Variants in EPHB4 observed in about 807,000 individuals in gnomAD.
EPHB4 encodes the protein ephrin type-B receptor 4.
Under a neutral mutation model 110.6 loss-of-function variants are expected in EPHB4, and 50 were observed. The ratio of observed to expected loss-of-function variants is 0.45; its 90% CI spans 0.36 to 0.57. The LOEUF is 0.57. EPHB4 is among the 20% of genes least tolerant of loss of function. The pLI, the probability that EPHB4 is intolerant of heterozygous loss-of-function variation, is 0.00. For synonymous variants in EPHB4, 592 were observed against 578.4 expected, an observed-to-expected ratio of 1.02 and a Z score of -0.34; for missense variants, 1,128 against 1,382.1, an observed-to-expected ratio of 0.82 and a Z score of 2.91.
intron 1 of EPHB4, 176 bp from the exon 2 acceptor site, chr7:100,824,449 C>A (rs1023055762): frequency 2.9e-5 from 19 of 647,562 alleles, no homozygotes; most frequent in African/African-American, 2.7e-4. Flanking sequence ...GCCTCTTCTG[C>A]TAAGTGCCAA....
Position 100,803,321 on chromosome 7 carries a change from GTC to G in EPHB4, c.*138_*139del, listed in dbSNP as rs113576131. ...TATTATGGCAGAACCCCCAAATCCT[GTC>G]TCTCCAAATTGCCAACTCCTCACCC... On this transcript the variant is annotated 3_prime_UTR_variant, in exon 17 of 17. Coordinates refer to ENST00000358173, the MANE Select transcript of EPHB4 (RefSeq NM_004444.5). 4.1e-3 allele frequency: 4,400 copies of G among 1,073,722 alleles called. 135 individuals carry two copies. The African/African-American group carries it at 0.063, about 15-fold the overall frequency. The allele number at this position is 1,073,722 out of a possible 1,614,324, so 66.5% of individuals were successfully genotyped here. A position where few individuals can be genotyped will look rare whatever the true frequency, so the allele number is the denominator to read the frequency against.
At position 100,813,925 on chromosome 7, in the gene EPHB4, C is replaced by A; in HGVS notation, c.1685G>T (p.Cys562Phe). 6.2e-7 allele frequency: 1 copy of A among 1,614,074 alleles called. No individual in the cohort carries two copies. The highest frequency in any genetic ancestry group is 8.5e-7 in the Non-Finnish European group (1 of 1,179,962). The stretch of plus-strand genomic sequence containing the variant: ...TGGGTGTCAGAGCCCTTACCTGAGG[C>A]AGAGAACTGCGACCACAATGACCAC... ...VLVVIVVAVL[C>F]LRKQSNGREA... Residue 562 changes from cysteine (C) to phenylalanine (F), a missense_variant, in exon 9 of 17, where the codon TGC becomes TTC. Cys to Phe is a radical substitution (Grantham distance 205). Transcript: ENST00000358173.
rs1392196634 is a variant in EPHB4 at position 100,827,236 on chromosome 7, G to A, written c.-206C>T. 2.4e-5 allele frequency: 5 copies of A among 211,106 alleles called. No individual in the cohort carries two copies. Among genetic ancestry groups the A allele is most frequent in the Non-Finnish European group, 3.5e-5 (4 of 114,074 alleles). The allele number at this position is 211,106 out of a possible 1,614,324, so 13.1% of individuals were successfully genotyped here. The stretch of plus-strand genomic sequence containing the variant: ...TCTGTGCCGCGCGCGCGGGCGGCGG[G>A]CCCGGAGCGTGCTGGCAGTGGCCGC... On this transcript the variant is annotated 5_prime_UTR_variant, in exon 1 of 17. Coordinates refer to ENST00000358173, the MANE Select transcript of EPHB4 (RefSeq NM_004444.5).
At chr7:100,806,331 G>A (rs1812816463) in intron 14 of EPHB4, 89 bp downstream of exon 14, 3 of 1,475,306 alleles carry the variant, frequency 2.0e-6, no homozygotes, top group Admixed American at 4.2e-5. Context: ...GAACCCAGCA[G>A]TGATGACTCT....
At position 100,822,150 on chromosome 7, in the gene EPHB4, G is replaced by C; in HGVS notation, c.808+121C>G. ...CCACTGCACTCCAGCCTGGGTGACA[G>C]AGCAAGCCTCCATTTCAACATCTAA... is the stretch of plus-strand genomic sequence containing the variant. On this transcript the variant is annotated intron_variant, in intron 4 of 16. Transcript: ENST00000358173. The surrounding 1 kb of genome is among the most constrained non-coding windows in gnomAD (Gnocchi z 4.7). The C allele has an allele frequency of 7.3e-7, 1 of 1,365,542 alleles. No individual in the cohort carries two copies. Among genetic ancestry groups the C allele is most frequent in the South Asian group, 1.5e-5 (1 of 67,188 alleles). 84.6% of individuals were successfully genotyped at this position (1,365,542 alleles called of 1,614,324 possible).
At chr7:100,824,740 C>T (rs1813328517) in intron 1 of EPHB4, 1 of 167,564 alleles carries the variant, frequency 6.0e-6, no homozygotes, top group African/African-American at 2.4e-5. Flanking sequence ...TCTCTGCTTT[C>T]AGACCAAACA....
At position 100,822,624 on chromosome 7, in the gene EPHB4, C is replaced by A. The variant is rs1195078965; in HGVS notation, c.455G>T (p.Gly152Val). The change falls in exon 4 of 17, where the codon GGG becomes GTG. Residue 152 changes from glycine to valine, a missense_variant. Around this residue, in one of 3 missense-constraint regions of EPHB4, gnomAD observed 728 missense variants for 828.6 expected, o/e 0.88. Coordinates refer to ENST00000358173, the MANE Select transcript of EPHB4 (RefSeq NM_004444.5). This position sits in a 1 kb window ranked among gnomAD's most constrained non-coding sequence, Gnocchi z 4.7. The part of the protein sequence containing the change: ...AAEHLTRKRP[G>V]AEATGKVNVK... ...ATTCACCTTCCCGGTGGCCTCGGCC[C>A]CAGGGCGCTTCCGGGTGAGATGCTC... 5.0e-6 allele frequency: 8 copies of A among 1,598,582 alleles called. No homozygotes were observed. The highest frequency in any genetic ancestry group is 6.0e-6 in the Non-Finnish European group (7 of 1,170,240).
intron 11 of EPHB4, 28 bp from the exon 12 acceptor site, chr7:100,813,022 G>C: frequency 3.7e-6 from 6 of 1,612,246 alleles, no homozygotes; most frequent in Non-Finnish European, 5.1e-6. Context: ...GAGGTCATCA[G>C]CTCTCCCGCT....
At position 100,822,718 on chromosome 7, in the gene EPHB4, C is replaced by T; in HGVS notation, c.412-51G>A. 1 of 1,468,884 alleles carries T rather than the reference C, an allele frequency of 6.8e-7. No homozygotes were observed. Among genetic ancestry groups the T allele is most frequent in the Non-Finnish European group, 9.0e-7 (1 of 1,107,178 alleles). 91.0% of individuals were successfully genotyped at this position (1,468,884 alleles called of 1,614,324 possible). A position where few individuals can be genotyped will look rare whatever the true frequency, so the allele number is the denominator to read the frequency against. ...CTGCTGTCCCCACTCCCTGAGGACC[C>T]AGCGGACTGTTGTGTTCTTCCCAGC... On this transcript the variant is annotated intron_variant, in intron 3 of 16. Transcript: ENST00000358173. This position sits in a 1 kb window ranked among gnomAD's most constrained non-coding sequence, Gnocchi z 4.7.
intron 4 of EPHB4, 153 bp from the exon 5 acceptor site, chr7:100,820,449 A>C: frequency 1.5e-6 from 1 of 679,236 alleles, no homozygotes; most frequent in Non-Finnish European, 2.1e-6. Flanking sequence ...TGGGCAACAT[A>C]TCGAGATCCC....
rs1328145777 is a variant in EPHB4, at chr7:100,806,304, C to T, written c.2484+116G>A. The T allele has an allele frequency of 3.2e-6, 4 of 1,267,572 alleles. No individual in the cohort carries two copies. In the African/African-American group the frequency reaches 6.0e-5, roughly 19 times the overall value. 78.5% of individuals were successfully genotyped at this position (1,267,572 alleles called of 1,614,324 possible). On this transcript the variant is annotated intron_variant, in intron 14 of 16. Transcript: ENST00000358173. ...TACAAAGATCAATTCTCCTTTTTGT[C>T]ATCTCCATGGTCTCAAGAACCCAGC...
At position 100,805,104 on chromosome 7, in the gene EPHB4, C is replaced by T. The variant is rs1056863828; in HGVS notation, c.2834+62G>A. On this transcript the variant is annotated intron_variant, in intron 16 of 16. Transcript: ENST00000358173. ...TGACCCCAAAAGCCCCTGGAGACCCCGTGGGCCTGACTCCAGCTGCCCCGC... is the reference window on the plus strand; with the variant it reads ...TGACCCCAAAAGCCCCTGGAGACCCTGTGGGCCTGACTCCAGCTGCCCCGC... The T allele has an allele frequency of 9.6e-6, 15 of 1,558,806 alleles. 1 individual carries two copies. Among genetic ancestry groups the T allele is most frequent in the Admixed American group, 5.7e-5 (3 of 52,398 alleles).
chr7:100,813,240 G>C, intron 10 of EPHB4, 32 bp from the exon 11 acceptor site: 2 of 1,561,546 alleles, frequency 1.3e-6, no homozygotes, highest in South Asian at 2.2e-5. Context: ...CGTCAGCTGG[G>C]AATTAACTCC....
At position 100,813,123 on chromosome 7, in the gene EPHB4, G is replaced by A. The variant is rs763711002; in HGVS notation, c.1842C>T (p.Tyr614=). Residue 614 remains tyrosine, a synonymous_variant, in exon 11 of 17, where the codon TAC becomes TAT. Coordinates refer to ENST00000358173, the MANE Select transcript of EPHB4 (RefSeq NM_004444.5). The part of the protein sequence containing the change: ...REFAKEIDVS[Y]VKIEEVIGAG... Reference sequence around the variant, plus strand: ...CACCAATCACCTCTTCAATCTTGACGTAGGAGACATCGATCTCTTTTGCAA... The same window carrying A: ...CACCAATCACCTCTTCAATCTTGACATAGGAGACATCGATCTCTTTTGCAA... 1.1e-5 allele frequency: 18 copies of A among 1,612,828 alleles called. No individual in the cohort carries two copies. The highest frequency in any genetic ancestry group is 2.7e-5 in the African/African-American group (2 of 74,924).
intron 12 of EPHB4, among the ~76,000 whole-genome samples, chr7:100,810,389 T>C (rs1812901349): frequency 6.6e-6 from 1 of 152,196 alleles, no homozygotes; most frequent in African/African-American, 2.4e-5. Flanking sequence ...ACAAGGGACC[T>C]AACCCTTCAG....
intron 13 of EPHB4, 63 bp from the exon 14 acceptor site, chr7:100,806,632 A>G: frequency 1.3e-6 from 2 of 1,544,484 alleles, no homozygotes; most frequent in Non-Finnish European, 1.7e-6. Flanking sequence ...GACCCAGCAC[A>G]CTGCCCCCCA....
At chr7:100,826,722 T>G in intron 1 of EPHB4, 1 of 409,060 alleles carries the variant, frequency 2.4e-6, no homozygotes, top group Non-Finnish European at 4.4e-6. Flanking sequence ...GCAGTGAGAG[T>G]TCGGGGAGCC....
rs937269398 is a variant in EPHB4 at position 100,803,440 on chromosome 7, G to T, written c.*21C>A. The T allele has an allele frequency of 5.2e-6, 8 of 1,532,506 alleles. No individual in the cohort carries two copies. The highest frequency in any genetic ancestry group is 6.2e-6 in the Non-Finnish European group (7 of 1,129,194). 94.9% of individuals were successfully genotyped at this position (1,532,506 alleles called of 1,614,324 possible). A position where few individuals can be genotyped will look rare whatever the true frequency, so the allele number is the denominator to read the frequency against. On this transcript the variant is annotated 3_prime_UTR_variant, in exon 17 of 17. Transcript: ENST00000358173. ...CGGAAAATGGGGAGGCGGTGTCCCTGGGGTGGGGAGTTCCTGCAGGTCAGT... is the reference window on the plus strand; with the variant it reads ...CGGAAAATGGGGAGGCGGTGTCCCTTGGGTGGGGAGTTCCTGCAGGTCAGT...
chr7:100,810,890 G>C (rs1237881371), intron 12 of EPHB4, among the ~76,000 whole-genome samples: 1 of 152,146 alleles, frequency 6.6e-6, no homozygotes, highest in East Asian at 1.9e-4. Context: ...TGACGCTAGG[G>C]AATCGCTATA....
Sources: allele counts gnomAD v4.1 joint callset (sites outside exome capture counted in the v4.1 genomes callset), GRCh38; gene constraint gnomAD v4.1.1; regional missense constraint gnomAD v4.1.1; non-coding constraint Gnocchi (gnomAD v3.1); transcripts MANE v1.5; gene names NCBI Gene and HGNC (gene_info 2026-07-23, HGNC 2026-07-21).